The following C20orf203 variants were observed in gnomAD, a reference collection of about 807,000 sequenced individuals.
The protein encoded by C20orf203 is uncharacterized protein C20orf203.
Under a neutral mutation model 15.9 loss-of-function variants are expected in C20orf203, and 16 were observed. The ratio of observed to expected loss-of-function variants is 1.01; its 90% CI spans 0.68 to 1.53. C20orf203 has a LOEUF of 1.53. Ranked by LOEUF, C20orf203 falls within the 40% of genes most tolerant of loss-of-function variation. The pLI is 0.00. For synonymous variants in C20orf203, 98 were observed against 97.2 expected (o/e 1.01, Z -0.05); for missense variants, 263 against 247.5 (o/e 1.06, Z -0.42).
chr20:32,664,091 T>C (rs750559505), intron 1 of C20orf203, among the ~76,000 whole-genome samples: 5 of 152,198 alleles, frequency 3.3e-5, no homozygotes, highest in Non-Finnish European at 1.5e-5. Context: ...CCCCGCAGGC[T>C]CTCAGCCTCC....
chr20:32,653,137 C>T (rs1386730071), intron 1 of C20orf203, among the ~76,000 whole-genome samples: 2 of 152,116 alleles, frequency 1.3e-5, no homozygotes, highest in African/African-American at 2.4e-5. Context: ...GATGCTGAAG[C>T]CACTGTGAAT....
At chr20:32,658,268 G>A (rs1235571736) in intron 1 of C20orf203, among the ~76,000 whole-genome samples, 2 of 152,088 alleles carry the variant, frequency 1.3e-5, no homozygotes, top group Non-Finnish European at 2.9e-5. Context: ...GTATCTATAT[G>A]TGTATAACAA....
At chr20:32,648,607 A>ATGTTTTTTTTT (rs58582539) in intron 4 of C20orf203, among the ~76,000 whole-genome samples, 1 of 125,896 alleles carries the variant, frequency 7.9e-6, no homozygotes, top group Non-Finnish European at 1.7e-5. Context: ...AATCTGGCTA[A>ATGTTTTTTTTT]TTTTTTTTTT....
At chr20:32,672,753 CCT>C (rs1983204093) in intron 1 of C20orf203, among the ~76,000 whole-genome samples, 1 of 152,126 alleles carries the variant, frequency 6.6e-6, no homozygotes. Flanking sequence ...CACTCCCTCC[CCT>C]GCCTCCCCCA....
At chr20:32,661,077 G>A (rs11167174) in intron 1 of C20orf203, among the ~76,000 whole-genome samples, 37,998 of 152,000 alleles carry the variant, frequency 0.25, 5,865 homozygotes, top group Middle Eastern at 0.37. Context: ...AAGAGGAAGG[G>A]ACAATCAAGG....
intron 5 of C20orf203, among the ~76,000 whole-genome samples, chr20:32,637,980 G>T (rs910448262): frequency 2.1e-5 from 3 of 146,226 alleles, no homozygotes; most frequent in Admixed American, 6.9e-5. Context: ...CTGTGCGTGT[G>T]TGTGCATTGT....
chr20:32,637,941 T>G (rs1982181914), intron 5 of C20orf203, among the ~76,000 whole-genome samples: 1 of 151,990 alleles, frequency 6.6e-6, no homozygotes. Flanking sequence ...TGCAGGTGCA[T>G]GTATGGGCGT....
At chr20:32,670,232 C>G (rs550721300) in intron 1 of C20orf203, among the ~76,000 whole-genome samples, 1 of 150,248 alleles carries the variant, frequency 6.7e-6, no homozygotes, top group African/African-American at 2.5e-5. Context: ...AGGCCGGGCT[C>G]GGTGGCTCAC....
chr20:32,668,604 T>A (rs1568756723), intron 1 of C20orf203, among the ~76,000 whole-genome samples: 1 of 151,302 alleles, frequency 6.6e-6, no homozygotes, highest in South Asian at 2.1e-4. Flanking sequence ...CCAGCCTAGG[T>A]GACAGAGTGA....
chr20:32,649,878 T>C lies in C20orf203; in HGVS notation c.*554A>G, dbSNP rs114037224. Reference sequence around the variant, plus strand: ...AGACCCTGCCGACACAAAGCAGGCCTCAGCCCGCCCCGCTCCCTTGGCCCA... The same window carrying C: ...AGACCCTGCCGACACAAAGCAGGCCCCAGCCCGCCCCGCTCCCTTGGCCCA... On this transcript the variant is annotated 3_prime_UTR_variant, in exon 4 of 6. Transcript: ENST00000608990. 2,694 of 153,616 alleles carry C rather than the reference T, an allele frequency of 0.018. 88 individuals carry two copies. Among genetic ancestry groups the C allele is most frequent in the African/African-American group, 0.06 (2,513 of 41,566 alleles). 9.5% of individuals were successfully genotyped at this position (153,616 alleles called of 1,614,324 possible).
chr20:32,666,430 G>A (rs1983026751), intron 1 of C20orf203, among the ~76,000 whole-genome samples: 2 of 150,806 alleles, frequency 1.3e-5, no homozygotes, highest in Non-Finnish European at 2.9e-5. Flanking sequence ...TCGTGCCACT[G>A]CACTCCGGCT....
At chr20:32,645,000 G>C (rs1256003539) in intron 4 of C20orf203, among the ~76,000 whole-genome samples, 2 of 151,664 alleles carry the variant, frequency 1.3e-5, no homozygotes, top group African/African-American at 2.4e-5. Flanking sequence ...GCCACCACAC[G>C]CCCCAAACCC....
intron 1 of C20orf203, among the ~76,000 whole-genome samples, chr20:32,655,948 C>T (rs1220236050): frequency 1.3e-5 from 2 of 152,182 alleles, no homozygotes; most frequent in Admixed American, 6.5e-5. Context: ...GGCTTGGTGC[C>T]CTCCTCACAG....
At chr20:32,643,512 T>A (rs1982338798) in intron 4 of C20orf203, among the ~76,000 whole-genome samples, 1 of 152,052 alleles carries the variant, frequency 6.6e-6, no homozygotes, top group Non-Finnish European at 1.5e-5. Context: ...TTCTGGCATT[T>A]CCCAAAGTGG....
intron 5 of C20orf203, among the ~76,000 whole-genome samples, chr20:32,636,442 T>C (rs1982140664): frequency 6.6e-6 from 1 of 152,176 alleles, no homozygotes; most frequent in Admixed American, 6.5e-5. Flanking sequence ...GCTGCTCCCC[T>C]CTGCCTTTGG....
At chr20:32,637,462 G>A (rs189908998) in intron 5 of C20orf203, among the ~76,000 whole-genome samples, 35 of 152,210 alleles carry the variant, frequency 2.3e-4, no homozygotes, top group African/African-American at 7.7e-4. Flanking sequence ...AGTAGACAAC[G>A]AAACAGTAAT....
chr20:32,641,593 T>C (rs984817794), intron 4 of C20orf203, among the ~76,000 whole-genome samples: 1 of 152,184 alleles, frequency 6.6e-6, no homozygotes. Context: ...CAGCGGTGTA[T>C]GAGGGTTGCA....
intron 5 of C20orf203, among the ~76,000 whole-genome samples, chr20:32,639,511 T>G (rs1982223304): frequency 6.6e-6 from 1 of 152,006 alleles, no homozygotes; most frequent in Non-Finnish European, 1.5e-5. Flanking sequence ...CATGGTGGTG[T>G]TGGCCTGTAG....
intron 5 of C20orf203, among the ~76,000 whole-genome samples, chr20:32,638,351 CT>C (rs1426711240): frequency 4.6e-5 from 7 of 152,186 alleles, no homozygotes; most frequent in Non-Finnish European, 8.8e-5. Flanking sequence ...GCCTAAGTGA[CT>C]TGCTCAGGGG....
Sources: allele counts gnomAD v4.1 joint callset (sites outside exome capture counted in the v4.1 genomes callset), GRCh38; gene constraint gnomAD v4.1.1; transcripts MANE v1.5; gene names NCBI Gene and HGNC (gene_info 2026-07-23, HGNC 2026-07-21).